GPC6: variants seen among roughly 807,000 people sequenced by gnomAD.
GPC6 encodes the protein glypican-6.
A neutral mutation model predicts 55.2 loss-of-function variants in GPC6; 14 were observed. The observed-to-expected ratio is 0.25, with a 90% confidence interval of 0.17 to 0.40. The LOEUF (loss-of-function observed/expected upper bound fraction) is 0.40. Ranked by LOEUF, GPC6 falls within the 10% of genes least tolerant of loss-of-function variation. GPC6 has a pLI of 1.00. For missense variants in GPC6, 641 were observed against 708.5 expected, an observed-to-expected ratio of 0.90 and a Z score of 1.08; for synonymous variants, 278 against 259.6, an observed-to-expected ratio of 1.07 and a Z score of -0.68.
At chr13:93,785,923 C>T (rs1047208503) in intron 2 of GPC6, among the ~76,000 whole-genome samples, 3 of 152,140 alleles carry the variant, frequency 2.0e-5, no homozygotes, top group African/African-American at 7.2e-5. Flanking sequence ...GATTGTGCCT[C>T]TGCACTCCAG....
intron 4 of GPC6, among the ~76,000 whole-genome samples, chr13:94,118,525 G>A (rs1361077888): frequency 1.3e-5 from 2 of 149,344 alleles, no homozygotes; most frequent in Admixed American, 6.6e-5. Context: ...CTTCACTTTT[G>A]CCAATCCCAA....
intron 3 of GPC6, among the ~76,000 whole-genome samples, chr13:93,890,007 G>A (rs182289705): frequency 7.9e-5 from 12 of 152,102 alleles, no homozygotes; most frequent in African/African-American, 2.9e-4. Flanking sequence ...AAAATAGATG[G>A]CTTTTGCAGA....
At chr13:93,235,799 A>G (rs1466169156) in intron 1 of GPC6, among the ~76,000 whole-genome samples, 1 of 151,994 alleles carries the variant, frequency 6.6e-6, no homozygotes, top group Non-Finnish European at 1.5e-5. Context: ...ACTGGCTTAC[A>G]TAGTCAGGGC....
chr13:94,396,149 C>A (rs1182916258), intron 7 of GPC6, among the ~76,000 whole-genome samples: 1 of 152,180 alleles, frequency 6.6e-6, no homozygotes, highest in Non-Finnish European at 1.5e-5. Flanking sequence ...TGTGGCCAGC[C>A]CCAGGGCGCT....
At chr13:94,012,918 T>A (rs1882304353) in intron 3 of GPC6, among the ~76,000 whole-genome samples, 1 of 152,204 alleles carries the variant, frequency 6.6e-6, no homozygotes, top group African/African-American at 2.4e-5. Context: ...GAAGTAGTAT[T>A]TAAGCTGTAA....
intron 3 of GPC6, among the ~76,000 whole-genome samples, chr13:94,011,822 G>A (rs1391175956): frequency 6.6e-6 from 1 of 152,136 alleles, no homozygotes; most frequent in East Asian, 1.9e-4. Context: ...TTCTTCTGCT[G>A]TGGATCTTGC....
intron 2 of GPC6, among the ~76,000 whole-genome samples, chr13:93,826,782 A>G (rs191279803): frequency 1.3e-5 from 2 of 152,014 alleles, no homozygotes; most frequent in African/African-American, 4.8e-5. Flanking sequence ...AGTTATCCTT[A>G]GGGCACCTCT....
At chr13:93,989,298 C>T (rs1391901757) in intron 3 of GPC6, among the ~76,000 whole-genome samples, 1 of 152,104 alleles carries the variant, frequency 6.6e-6, no homozygotes, top group African/African-American at 2.4e-5. Flanking sequence ...TTCTTGAGTG[C>T]AGGGACCATG....
At chr13:93,810,327 C>G (rs1886658633) in intron 2 of GPC6, among the ~76,000 whole-genome samples, 1 of 152,104 alleles carries the variant, frequency 6.6e-6, no homozygotes, top group African/African-American at 2.4e-5. Context: ...TGGAGCTGTC[C>G]CCATTGTTGT....
In GPC6 at chr13:93,788,177, G is replaced by A. The variant is rs144363021; in HGVS notation, c.320-41977G>A. ...GTGGGAAGTCCAAGATCAAGGAGCC[G>A]GTAGGTACGATTGTCTGGTGAAGGC... On this transcript the variant is annotated intron_variant, in intron 2 of 8. Transcript: ENST00000377047. 4.3e-3 allele frequency among the ~76,000 whole-genome samples: 649 copies of A among 152,174 alleles called. 10 individuals are homozygous for A. The highest frequency in any genetic ancestry group is 0.015 in the African/African-American group (616 of 41,518).
chr13:93,445,982 A>G (rs1877982047), intron 1 of GPC6, among the ~76,000 whole-genome samples: 1 of 152,210 alleles, frequency 6.6e-6, no homozygotes, highest in Non-Finnish European at 1.5e-5. Flanking sequence ...AAGGAAACGG[A>G]TAAAAAGGTT....
rs192530494 is a variant in GPC6, at chr13:93,608,314, C to T, written c.319+62893C>T. 2.0e-3 allele frequency among the ~76,000 whole-genome samples: 303 copies of T among 152,108 alleles called. 2 individuals are homozygous for T. The highest frequency in any genetic ancestry group is 0.018 in the Admixed American group (268 of 15,278). On this transcript the variant is annotated intron_variant, in intron 2 of 8. Coordinates refer to ENST00000377047, the MANE Select transcript of GPC6 (RefSeq NM_005708.5). Reference sequence around the variant, plus strand: ...TGTTGTATTATTTTTCATTCCTATACCTTAATTCCCACATTTTTGTATTGG... The same window carrying T: ...TGTTGTATTATTTTTCATTCCTATATCTTAATTCCCACATTTTTGTATTGG...
At chr13:94,373,572 C>A (rs1372101849) in intron 6 of GPC6, among the ~76,000 whole-genome samples, 1 of 152,028 alleles carries the variant, frequency 6.6e-6, no homozygotes, top group East Asian at 1.9e-4. Context: ...TGTGAAAAGA[C>A]CAAATCTACG....
intron 1 of GPC6, among the ~76,000 whole-genome samples, chr13:93,426,457 G>T (rs1266299062): frequency 8.5e-6 from 1 of 117,934 alleles, no homozygotes. Context: ...TCATTGTTCA[G>T]TTCCCACCTA....
intron 1 of GPC6, among the ~76,000 whole-genome samples, chr13:93,381,523 G>T (rs1053131637): frequency 1.1e-4 from 16 of 152,116 alleles, no homozygotes; most frequent in African/African-American, 3.9e-4. Context: ...AATAAGAATT[G>T]AGCATTGTTT....
intron 2 of GPC6, among the ~76,000 whole-genome samples, chr13:93,674,188 A>G (rs1594361421): frequency 6.6e-6 from 1 of 152,240 alleles, no homozygotes; most frequent in South Asian, 2.1e-4. Flanking sequence ...GGTAGAATGA[A>G]GATTTCACTT....
rs1239937584 is a variant in GPC6, at chr13:94,270,988, T to A, written c.878-15361T>A. Among the ~76,000 whole-genome samples, 50 of 117,808 alleles carry A rather than the reference T, an allele frequency of 4.2e-4. 1 individual carries two copies. The highest frequency in any genetic ancestry group is 1.5e-3 in the African/African-American group (46 of 30,326). The allele number at this position is 117,808 out of a possible 152,430, so 77.3% of individuals were successfully genotyped here. A position where few individuals can be genotyped will look rare whatever the true frequency, so the allele number is the denominator to read the frequency against. On this transcript the variant is annotated intron_variant, in intron 4 of 8. Coordinates refer to ENST00000377047, the MANE Select transcript of GPC6 (RefSeq NM_005708.5). The stretch of plus-strand genomic sequence containing the variant: ...AATTTTTTTTTTTTTTTTTTTTTTT[T>A]TTTTTTTTTTTTTTTTTCTGAGACG...
intron 3 of GPC6, among the ~76,000 whole-genome samples, chr13:93,939,617 C>T (rs1878622121): frequency 6.6e-6 from 1 of 151,768 alleles, no homozygotes. Context: ...AAAGCAATAA[C>T]ACTAAAATTT....
intron 2 of GPC6, among the ~76,000 whole-genome samples, chr13:93,713,946 A>G (rs180830533): frequency 6.6e-6 from 1 of 151,992 alleles, no homozygotes; most frequent in East Asian, 1.9e-4. Flanking sequence ...AAGATGGATT[A>G]AATATTTAAG....
Sources: gnomAD v4.1 joint callset for allele counts (sites outside exome capture counted in the v4.1 genomes callset) on GRCh38, gnomAD v4.1.1 for gene constraint, MANE v1.5 for transcripts, NCBI Gene and HGNC (gene_info 2026-07-23, HGNC 2026-07-21) for gene names.